CSGALNACT1: variants seen among roughly 807,000 people sequenced by gnomAD.
CSGALNACT1 encodes the protein beta4GalNAcT-1.
A neutral mutation model predicts 51.0 loss-of-function variants in CSGALNACT1; 52 were observed. That is an observed-to-expected ratio of 1.02 (90% CI 0.82 to 1.29). The LOEUF is 1.29. Among genes scored for constraint, CSGALNACT1 ranks in the 50% most tolerant of loss-of-function variants. The pLI, the probability that CSGALNACT1 is intolerant of heterozygous loss-of-function variation, is 0.00. For missense variants in CSGALNACT1, 935 were observed against 679.2 expected, an observed-to-expected ratio of 1.38 and a Z score of -4.19; for synonymous variants, 341 against 254.4, an observed-to-expected ratio of 1.34 and a Z score of -3.24.
chr8:19,469,788 G>C (rs986219924), intron 4 of CSGALNACT1, among the ~76,000 whole-genome samples: 4 of 152,130 alleles, frequency 2.6e-5, no homozygotes, highest in African/African-American at 4.8e-5. Context: ...CCCATTCTGG[G>C]TTTTTCATCG....
At chr8:19,452,145 G>C (rs950760021) in intron 5 of CSGALNACT1, among the ~76,000 whole-genome samples, 1 of 152,232 alleles carries the variant, frequency 6.6e-6, no homozygotes, top group Non-Finnish European at 1.5e-5. Context: ...AGAAATGGAA[G>C]TTTCTACATT....
chr8:19,406,897 C>T (rs564849907), intron 9 of CSGALNACT1, among the ~76,000 whole-genome samples: 84 of 152,276 alleles, frequency 5.5e-4, no homozygotes, highest in African/African-American at 1.8e-3. Context: ...TTAGTAGAGA[C>T]GGGGTTTCAC....
At chr8:19,630,102 C>G (rs764019504) in intron 1 of CSGALNACT1, among the ~76,000 whole-genome samples, 1 of 151,718 alleles carries the variant, frequency 6.6e-6, no homozygotes, top group Non-Finnish European at 1.5e-5. Context: ...CAACACGGGC[C>G]GAATGAAGAC....
At chr8:19,720,274 T>C (rs1335035720) in intron 1 of CSGALNACT1, among the ~76,000 whole-genome samples, 6 of 152,144 alleles carry the variant, frequency 3.9e-5, no homozygotes, top group African/African-American at 1.4e-4. Flanking sequence ...GGCAGCGTGC[T>C]TAATAATAAG....
intron 1 of CSGALNACT1, among the ~76,000 whole-genome samples, chr8:19,694,797 A>T (rs1006776688): frequency 6.6e-6 from 1 of 152,232 alleles, no homozygotes; most frequent in South Asian, 2.1e-4. Flanking sequence ...AAAGCACATT[A>T]ATAAAAAGAA....
At chr8:19,577,300 G>C (rs1487124752) in intron 3 of CSGALNACT1, among the ~76,000 whole-genome samples, 1 of 151,810 alleles carries the variant, frequency 6.6e-6, no homozygotes, top group Admixed American at 6.6e-5. Flanking sequence ...TAGTGGCTCA[G>C]GCCTGTAATC....
intron 1 of CSGALNACT1, among the ~76,000 whole-genome samples, chr8:19,655,585 T>C (rs1564360091): frequency 7.0e-6 from 1 of 143,576 alleles, no homozygotes; most frequent in African/African-American, 2.6e-5. Flanking sequence ...CACACATATA[T>C]ATATATATAT....
chr8:19,715,324 C>A (rs1290786726), intron 1 of CSGALNACT1, among the ~76,000 whole-genome samples: 2 of 152,090 alleles, frequency 1.3e-5, no homozygotes, highest in Non-Finnish European at 2.9e-5. Context: ...GACACAGAGC[C>A]AAACCATATC....
chr8:19,541,016 A>G (rs1443301665), intron 3 of CSGALNACT1, among the ~76,000 whole-genome samples: 2 of 152,186 alleles, frequency 1.3e-5, no homozygotes, highest in Non-Finnish European at 2.9e-5. Flanking sequence ...TTAACTCTTT[A>G]TCACCTTCAC....
chr8:19,581,326 A>G (rs2045519697), intron 3 of CSGALNACT1, among the ~76,000 whole-genome samples: 2 of 152,194 alleles, frequency 1.3e-5, no homozygotes, highest in South Asian at 2.1e-4. Context: ...TTCATACTCA[A>G]TTATGCTATT....
intron 1 of CSGALNACT1, among the ~76,000 whole-genome samples, chr8:19,650,663 C>T (rs777795139): frequency 6.6e-6 from 1 of 152,118 alleles, no homozygotes; most frequent in Non-Finnish European, 1.5e-5. Flanking sequence ...CCCAGGAGAC[C>T]AGCCATAGCA....
intron 5 of CSGALNACT1, among the ~76,000 whole-genome samples, chr8:19,450,234 G>A (rs1378463509): frequency 3.7e-5 from 3 of 80,732 alleles, no homozygotes; most frequent in Non-Finnish European, 7.3e-5. Flanking sequence ...AGGGGGAGGG[G>A]GCAGGGAGGA....
chr8:19,696,533 G>T (rs146462712), intron 1 of CSGALNACT1, among the ~76,000 whole-genome samples: 1 of 152,182 alleles, frequency 6.6e-6, no homozygotes, highest in Non-Finnish European at 1.5e-5. Context: ...ACCACCTGTG[G>T]CTGAAAAACC....
chr8:19,423,139 GAAC>G (rs2058212084), intron 6 of CSGALNACT1, among the ~76,000 whole-genome samples: 1 of 152,138 alleles, frequency 6.6e-6, no homozygotes, highest in African/African-American at 2.4e-5. Context: ...AAAAATACCT[GAAC>G]AACAGCAAGT....
chr8:19,420,190 T>A, intron 7 of CSGALNACT1, 150 bp downstream of exon 6: 1 of 740,908 alleles, frequency 1.3e-6, no homozygotes, highest in Non-Finnish European at 2.3e-6. Flanking sequence ...GAGAACAGAC[T>A]AATACAGATG....
rs757167588 is a variant in CSGALNACT1, at chr8:19,457,806, C to T, written c.851+620G>A. The stretch of plus-strand genomic sequence containing the variant: ...CTTAAAGGCACACATCTAAAAACTT[C>T]ATCAGCAGGCCTGAAAAATGAAACC... On this transcript the variant is annotated intron_variant, in intron 5 of 9. Coordinates refer to ENST00000454498, the Ensembl canonical transcript of CSGALNACT1. 29 of 1,351,310 alleles carry T rather than the reference C, an allele frequency of 2.1e-5. 2 individuals carry two copies. The South Asian group carries it at 3.3e-4, about 15-fold the overall frequency. 83.7% of individuals were successfully genotyped at this position (1,351,310 alleles called of 1,614,324 possible).
intron 3 of CSGALNACT1, among the ~76,000 whole-genome samples, chr8:19,552,642 G>A (rs959270292): frequency 1.3e-5 from 2 of 152,102 alleles, no homozygotes; most frequent in African/African-American, 4.8e-5. Context: ...AAAACATGAC[G>A]ACATTCAAAA....
chr8:19,485,592 C>A (rs1163968245), intron 4 of CSGALNACT1, among the ~76,000 whole-genome samples: 1 of 151,992 alleles, frequency 6.6e-6, no homozygotes, highest in Non-Finnish European at 1.5e-5. Flanking sequence ...AGCCTACTAG[C>A]TTATTTACTA....
chr8:19,669,122 T>C (rs2059597797), intron 1 of CSGALNACT1, among the ~76,000 whole-genome samples: 1 of 152,218 alleles, frequency 6.6e-6, no homozygotes, highest in African/African-American at 2.4e-5. Context: ...TTCAAAAGTA[T>C]GTTGATCATT....
Sources: gnomAD v4.1 joint callset for allele counts (sites outside exome capture counted in the v4.1 genomes callset) on GRCh38, gnomAD v4.1.1 for gene constraint, MANE v1.5 for transcripts, NCBI Gene and HGNC (gene_info 2026-07-23, HGNC 2026-07-21) for gene names.